Variants in SLC9C2 observed in about 807,000 individuals in gnomAD.
The protein encoded by SLC9C2 is solute carrier family 9 member C2 (putative).
SLC9C2 carries 75 observed loss-of-function variants against 140.2 expected under a neutral mutation model. That is an observed-to-expected ratio of 0.53 (90% CI 0.44 to 0.65). The LOEUF (loss-of-function observed/expected upper bound fraction) is 0.65, where lower values mean the gene tolerates loss of function less well. Ranked by LOEUF, SLC9C2 falls within the 30% of genes least tolerant of loss-of-function variation. The pLI is 0.00. For missense variants in SLC9C2, 1,074 were observed against 1,331.8 expected (o/e 0.81, Z 3.01); for synonymous variants, 375 against 420.9 (o/e 0.89, Z 1.34).
chr1:173,582,000 C>A lies in SLC9C2; in HGVS notation c.649G>T (p.Val217Leu). 2 of 1,524,900 alleles carry A rather than the reference C, an allele frequency of 1.3e-6. No individual in the cohort carries two copies. The highest frequency in any genetic ancestry group is 8.8e-7 in the Non-Finnish European group (1 of 1,132,706). The allele number at this position is 1,524,900 out of a possible 1,614,324, so 94.5% of individuals were successfully genotyped here. A position where few individuals can be genotyped will look rare whatever the true frequency, so the allele number is the denominator to read the frequency against. Residue 217 changes from valine to leucine, a missense_variant, in exon 7 of 28, where the codon GTA becomes TTA. Physicochemically the swap from Val to Leu is conservative, Grantham distance 32. Transcript: ENST00000367714. ...IHFSIFRDLH[V>L]GIELSYDILG... ...ATGTCATAGCTGAGTTCAATGCCTA[C>A]ATGTAAATCTAAAAAAAAGAAAGAA...
At chr1:173,561,357 G>GA (rs1210217051) in intron 9 of SLC9C2, among the ~76,000 whole-genome samples, 1 of 151,950 alleles carries the variant, frequency 6.6e-6, no homozygotes, top group South Asian at 2.1e-4. Flanking sequence ...AGAGACCAGT[G>GA]AAAAAAATGT....
At chr1:173,537,498 G>T (rs1159795534) in intron 13 of SLC9C2, among the ~76,000 whole-genome samples, 1 of 152,030 alleles carries the variant, frequency 6.6e-6, no homozygotes, top group Non-Finnish European at 1.5e-5. Context: ...GGAGGCGGAG[G>T]TTGTGGTGAG....
chr1:173,502,687 C>G (rs1659370733), intron 27 of SLC9C2, among the ~76,000 whole-genome samples: 1 of 152,228 alleles, frequency 6.6e-6, no homozygotes, highest in Non-Finnish European at 1.5e-5. Context: ...TGACTCTCCA[C>G]AACAAAATGT....
chr1:173,512,345 T>C (rs1323231309), intron 23 of SLC9C2, among the ~76,000 whole-genome samples: 4 of 152,204 alleles, frequency 2.6e-5, no homozygotes. Flanking sequence ...TGGCTTGTAG[T>C]TCTCCTTGAA....
intron 22 of SLC9C2, among the ~76,000 whole-genome samples, chr1:173,518,609 G>C (rs143321442): frequency 1.3e-5 from 2 of 152,274 alleles, no homozygotes; most frequent in East Asian, 3.9e-4. Context: ...TTAGGGGGAA[G>C]CTGAAAGAAT....
intron 8 of SLC9C2, among the ~76,000 whole-genome samples, chr1:173,573,843 G>A (rs1387348834): frequency 6.6e-6 from 1 of 152,142 alleles, no homozygotes; most frequent in Non-Finnish European, 1.5e-5. Context: ...TAAAAGTCTT[G>A]TAAGGCTAAC....
Position 173,548,388 on chromosome 1 carries a change from CA to C in SLC9C2, c.1461del (p.Ser489ProfsTer8). ...VEDKTRIEYIPFSHVSHNDMK... is the reference protein window; with the variant it reads ...VEDKTRIEYIXFSHVSHNDMK... Reference sequence around the variant, plus strand: ...CTACTTTTTGCCAGGTATCAACTCACAGGAATGTATTCGATCCTCGTTTTAT... The same window carrying C: ...CTACTTTTTGCCAGGTATCAACTCACGGAATGTATTCGATCCTCGTTTTAT... On this transcript the variant is annotated frameshift_variant and splice_region_variant, in exon 12 of 28. Transcript: ENST00000367714. LOFTEE classifies it high-confidence loss of function. 6.2e-7 allele frequency: 1 copy of C among 1,610,802 alleles called. No homozygotes were observed.
In SLC9C2 at chr1:173,587,846, T is replaced by C; in HGVS notation, c.358-16A>G. Reference sequence around the variant, plus strand: ...TTAACAAGACCTGTGAACCAATTCATAACACAGTATTAGACTTAACATCTA... The same window carrying C: ...TTAACAAGACCTGTGAACCAATTCACAACACAGTATTAGACTTAACATCTA... On this transcript the variant is annotated splice_polypyrimidine_tract_variant and intron_variant, in intron 4 of 27. Transcript: ENST00000367714. 1 of 1,600,942 alleles carries C rather than the reference T, an allele frequency of 6.2e-7. No individual in the cohort carries two copies. The highest frequency in any genetic ancestry group is 1.3e-5 in the African/African-American group (1 of 74,736).
At chr1:173,514,647 G>A (rs1283570017) in intron 23 of SLC9C2, among the ~76,000 whole-genome samples, 3 of 152,092 alleles carry the variant, frequency 2.0e-5, no homozygotes, top group South Asian at 2.1e-4. Flanking sequence ...TTACATTTAA[G>A]GTTAATATTG....
At chr1:173,522,951 G>A (rs536262364) in intron 21 of SLC9C2, among the ~76,000 whole-genome samples, 2 of 152,272 alleles carry the variant, frequency 1.3e-5, no homozygotes, top group Admixed American at 6.5e-5. Flanking sequence ...AGCCTTCCAT[G>A]GCCGCTCTGT....
At chr1:173,506,457 C>T (rs1659647660) in intron 25 of SLC9C2, among the ~76,000 whole-genome samples, 1 of 152,242 alleles carries the variant, frequency 6.6e-6, no homozygotes, top group African/African-American at 2.4e-5. Flanking sequence ...CCTAATGTGT[C>T]AACAAAGTGA....
In SLC9C2 at chr1:173,581,964, T is replaced by C. The variant is rs755215263; in HGVS notation, c.685A>G (p.Ile229Val). 2.5e-6 allele frequency: 4 copies of C among 1,599,540 alleles called. No homozygotes were observed. In the Admixed American group the frequency reaches 5.0e-5, roughly 20 times the overall value. ...IELSYDILGS[I>V]IFGYWCAKII... is the part of the protein sequence containing the mutation. Reference sequence around the variant, plus strand: ...TTTGCACACCAATATCCAAATATTATGCTTCCCAAAATGTCATAGCTGAGT... The same window carrying C: ...TTTGCACACCAATATCCAAATATTACGCTTCCCAAAATGTCATAGCTGAGT... Residue 229 changes from isoleucine to valine, a missense_variant, in exon 7 of 28, where the codon ATA becomes GTA. Coordinates refer to ENST00000367714, the MANE Select transcript of SLC9C2 (RefSeq NM_178527.4).
intron 9 of SLC9C2, among the ~76,000 whole-genome samples, chr1:173,568,397 C>G (rs1664629959): frequency 7.2e-6 from 1 of 137,958 alleles, no homozygotes; most frequent in Admixed American, 6.6e-5. Context: ...TTTTCTGTTC[C>G]TGTGTTAGTT....
intron 7 of SLC9C2, 95 bp downstream of exon 7, chr1:173,581,752 A>T: frequency 9.6e-7 from 1 of 1,041,214 alleles, no homozygotes; most frequent in Non-Finnish European, 1.3e-6. Flanking sequence ...GGCCACAAAA[A>T]GGAGGAGAAG....
chr1:173,501,395 A>G (rs745339133), intron 27 of SLC9C2, among the ~76,000 whole-genome samples: 2 of 152,004 alleles, frequency 1.3e-5, no homozygotes, highest in Non-Finnish European at 2.9e-5. Flanking sequence ...TAACTTTATG[A>G]CTGATTGCAG....
chr1:173,548,636 G>C, intron 11 of SLC9C2, 84 bp from the exon 12 acceptor site: 2 of 1,479,480 alleles, frequency 1.4e-6, no homozygotes, highest in Admixed American at 3.6e-5. Flanking sequence ...TGATCATGTA[G>C]TGAAATCTTG....
At chr1:173,503,457 G>A (rs1015185144) in intron 26 of SLC9C2, 131 bp from the exon 27 acceptor site, 5 of 816,600 alleles carry the variant, frequency 6.1e-6, no homozygotes, top group African/African-American at 1.7e-5. Flanking sequence ...CCTCTCAAAT[G>A]TCCCTGTTTT....
chr1:173,563,128 A>C (rs1664226380), intron 9 of SLC9C2, among the ~76,000 whole-genome samples: 1 of 151,580 alleles, frequency 6.6e-6, no homozygotes, highest in Non-Finnish European at 1.5e-5. Flanking sequence ...CCTTGGAAGG[A>C]CCTGAAGAAA....
chr1:173,519,166 A>G (rs1660630573), intron 22 of SLC9C2, among the ~76,000 whole-genome samples: 2 of 152,100 alleles, frequency 1.3e-5, no homozygotes, highest in Admixed American at 6.5e-5. Context: ...AAGGGAGTCC[A>G]TCAGAGAGAG....
Sources: gnomAD v4.1 joint callset for allele counts (sites outside exome capture counted in the v4.1 genomes callset) on GRCh38, gnomAD v4.1.1 for gene constraint, MANE v1.5 for transcripts, NCBI Gene and HGNC (gene_info 2026-07-23, HGNC 2026-07-21) for gene names.